The following NOVA1 variants were observed in gnomAD, a reference collection of about 807,000 sequenced individuals.
NOVA1 encodes the protein NOVA alternative splicing regulator 1.
In NOVA1, 7 loss-of-function variants were observed where a neutral mutation model predicts 38.0. The ratio of observed to expected loss-of-function variants is 0.18; its 90% CI spans 0.10 to 0.35. The LOEUF (loss-of-function observed/expected upper bound fraction) is 0.35. Ranked by LOEUF, NOVA1 falls within the 10% of genes least tolerant of loss-of-function variation. NOVA1 has a pLI of 1.00. For synonymous variants in NOVA1, 270 were observed against 232.5 expected (o/e 1.16, Z -1.47); for missense variants, 460 against 616.0 (o/e 0.75, Z 2.68).
intron 2 of NOVA1, among the ~76,000 whole-genome samples, chr14:26,529,168 C>A (rs1033633510): frequency 1.3e-5 from 2 of 150,998 alleles, no homozygotes; most frequent in Non-Finnish European, 2.9e-5. Context: ...GACAGAATCT[C>A]GCTCTGTCAC....
intron 2 of NOVA1, among the ~76,000 whole-genome samples, chr14:26,490,302 C>G (rs979945249): frequency 3.9e-5 from 6 of 152,104 alleles, no homozygotes; most frequent in African/African-American, 1.2e-4. Flanking sequence ...ATTGTGAATA[C>G]TGCTGCAATG....
chr14:26,594,478 C>G (rs1386819587), intron 2 of NOVA1: 1 of 151,856 alleles, frequency 6.6e-6, no homozygotes, highest in African/African-American at 2.4e-5. Context: ...TCCCTCAGCA[C>G]TGAATTAACG....
chr14:26,533,663 A>G (rs1470472620), intron 2 of NOVA1, among the ~76,000 whole-genome samples: 1 of 152,204 alleles, frequency 6.6e-6, no homozygotes, highest in Non-Finnish European at 1.5e-5. Context: ...AGTTCTGTTT[A>G]GATGTTAATT....
chr14:26,481,819 G>C (rs778165158), intron 2 of NOVA1, among the ~76,000 whole-genome samples: 2 of 151,930 alleles, frequency 1.3e-5, no homozygotes, highest in Non-Finnish European at 2.9e-5. Context: ...TGTATTAAGT[G>C]TCCAATAAAT....
At chr14:26,529,959 G>A (rs945876682) in intron 2 of NOVA1, among the ~76,000 whole-genome samples, 4 of 151,228 alleles carry the variant, frequency 2.6e-5, no homozygotes, top group African/African-American at 7.3e-5. Flanking sequence ...TCACTCTGTC[G>A]CCCAGGCTGG....
At chr14:26,531,173 TAG>T (rs1889682665) in intron 2 of NOVA1, among the ~76,000 whole-genome samples, 1 of 152,238 alleles carries the variant, frequency 6.6e-6, no homozygotes, top group Non-Finnish European at 1.5e-5. Flanking sequence ...CTTCTTTATT[TAG>T]AGTCTGTCAA....
At position 26,444,030 on chromosome 14, in the gene NOVA1, AACTTT is replaced by A. The variant is rs2138528720; in HGVS notation, c.*3924_*3928del. 2 of 152,196 alleles carry A rather than the reference AACTTT, an allele frequency of 1.3e-5. No individual in the cohort carries two copies. Among genetic ancestry groups the A allele is most frequent in the African/African-American group, 4.8e-5 (2 of 41,550 alleles). 9.4% of individuals were successfully genotyped at this position (152,196 alleles called of 1,614,324 possible). ...AGTAAATAAAATTATTAAGTAAATA[AACTTT>A]ACTTAAGGACTCAGTGAGGAATCAG... On this transcript the variant is annotated 3_prime_UTR_variant, in exon 5 of 5. Coordinates refer to ENST00000539517, the MANE Select transcript of NOVA1 (RefSeq NM_002515.3).
intron 2 of NOVA1, among the ~76,000 whole-genome samples, chr14:26,495,490 CT>C (rs976625594): frequency 6.6e-6 from 1 of 151,796 alleles, no homozygotes; most frequent in East Asian, 1.9e-4. Context: ...TTATAACAAG[CT>C]TTTTTTTGTT....
chr14:26,509,113 G>A (rs1184789245), intron 2 of NOVA1, among the ~76,000 whole-genome samples: 1 of 152,102 alleles, frequency 6.6e-6, no homozygotes, highest in East Asian at 1.9e-4. Context: ...AATTCATACA[G>A]AATATCGCCT....
intron 2 of NOVA1, among the ~76,000 whole-genome samples, chr14:26,545,957 C>T (rs771381365): frequency 4.6e-5 from 7 of 151,304 alleles, no homozygotes; most frequent in Non-Finnish European, 7.4e-5. Flanking sequence ...TAGTCTTTTA[C>T]GCAAACTTAT....
chr14:26,577,288 G>A lies in NOVA1; in HGVS notation c.280+18122C>T, dbSNP rs370999922. ...TAAAAATAATTATGCTACTATAATG[G>A]ATATATCGATACTGATATTTCTTAA... On this transcript the variant is annotated intron_variant, in intron 2 of 4. Coordinates refer to ENST00000539517, the MANE Select transcript of NOVA1 (RefSeq NM_002515.3). Among the ~76,000 whole-genome samples the A allele has an allele frequency of 3.4e-4, 52 of 152,070 alleles. No individual in the cohort carries two copies. In the South Asian group the frequency reaches 8.9e-3, roughly 26 times the overall value.
At chr14:26,450,278 C>G (rs1212964768) in intron 4 of NOVA1, among the ~76,000 whole-genome samples, 1 of 152,010 alleles carries the variant, frequency 6.6e-6, no homozygotes, top group African/African-American at 2.4e-5. Flanking sequence ...TAAAGAAATA[C>G]AGCCATGCAT....
At chr14:26,494,983 A>ATCTG (rs1886651403) in intron 2 of NOVA1, among the ~76,000 whole-genome samples, 1 of 152,178 alleles carries the variant, frequency 6.6e-6, no homozygotes, top group African/African-American at 2.4e-5. Context: ...ACCCATCAAG[A>ATCTG]TCTGACCTCT....
At chr14:26,557,840 T>TG (rs1339056134) in intron 2 of NOVA1, among the ~76,000 whole-genome samples, 5 of 152,212 alleles carry the variant, frequency 3.3e-5, no homozygotes, top group South Asian at 4.1e-4. Context: ...TATTAATGAC[T>TG]GTTCAAACAT....
At chr14:26,465,303 C>A (rs957149359) in intron 4 of NOVA1, among the ~76,000 whole-genome samples, 1 of 152,008 alleles carries the variant, frequency 6.6e-6, no homozygotes. Flanking sequence ...GCCTCCTGAG[C>A]AGCTGGGATT....
chr14:26,566,872 C>A (rs182149179), intron 2 of NOVA1, among the ~76,000 whole-genome samples: 15 of 152,212 alleles, frequency 9.9e-5, no homozygotes, highest in Admixed American at 8.5e-4. Flanking sequence ...CTAAATGCTA[C>A]TTTTTAAAAT....
intron 2 of NOVA1, among the ~76,000 whole-genome samples, chr14:26,568,772 A>G (rs1390192319): frequency 6.6e-6 from 1 of 152,196 alleles, no homozygotes; most frequent in Admixed American, 6.5e-5. Flanking sequence ...GGGCAGCCTG[A>G]TGAGAATCCC....
At chr14:26,489,578 T>C (rs757243347) in intron 2 of NOVA1, among the ~76,000 whole-genome samples, 11 of 151,834 alleles carry the variant, frequency 7.2e-5, no homozygotes, top group Non-Finnish European at 1.3e-4. Context: ...AATAGAAAAA[T>C]GGCAATTTAA....
chr14:26,526,925 C>T lies in NOVA1; in HGVS notation c.281-46782G>A, dbSNP rs932654118. 3.3e-5 allele frequency among the ~76,000 whole-genome samples: 5 copies of T among 152,204 alleles called. No individual in the cohort carries two copies. The South Asian group carries it at 8.3e-4, about 25-fold the overall frequency. Reference sequence around the variant, plus strand: ...AAAGTGGCTAATAACTCCCAAAATACGGCCATCCCAAATGCAAGAGTCTGT... The same window carrying T: ...AAAGTGGCTAATAACTCCCAAAATATGGCCATCCCAAATGCAAGAGTCTGT... On this transcript the variant is annotated intron_variant, in intron 2 of 4. Transcript: ENST00000539517.
Sources: allele counts gnomAD v4.1 joint callset (sites outside exome capture counted in the v4.1 genomes callset), GRCh38; gene constraint gnomAD v4.1.1; transcripts MANE v1.5; gene names NCBI Gene and HGNC (gene_info 2026-07-23, HGNC 2026-07-21).